ATP2B4: variants seen among roughly 807,000 people sequenced by gnomAD.
The protein encoded by ATP2B4 is ATPase plasma membrane Ca2+ transporting 4, also known as plasma membrane calcium-transporting ATPase 4.
ATP2B4 carries 39 observed loss-of-function variants against 110.3 expected under a neutral mutation model. The ratio of observed to expected loss-of-function variants is 0.35; its 90% confidence interval spans 0.27 to 0.46. The LOEUF is 0.46. ATP2B4 is among the 20% of genes least tolerant of loss of function. The pLI, the probability that ATP2B4 is intolerant of heterozygous loss-of-function variation, is 1.00. For synonymous variants in ATP2B4, 538 were observed against 571.7 expected (o/e 0.94, Z 0.84); for missense variants, 1,135 against 1,530.9 (o/e 0.74, Z 4.32).
Position 203,651,217 on chromosome 1 carries a change from A to AT in ATP2B4, c.-465+24006dup, listed in dbSNP as rs200090901. Among the ~76,000 whole-genome samples the AT allele has an allele frequency of 4.6e-3, 704 of 151,884 alleles. 3 individuals carry two copies. Among genetic ancestry groups the AT allele is most frequent in the African/African-American group, 0.015 (623 of 41,404 alleles). On this transcript the variant is annotated intron_variant, in intron 1 of 20. Transcript: ENST00000357681. The stretch of plus-strand genomic sequence containing the variant: ...AATGTTGCTGGTAGAAATAGGAACC[A>AT]TTTTTTTTCTTCTCTCTCTCTGTCT...
chr1:203,730,053 C>T (rs1360020335), intron 20 of ATP2B4, among the ~76,000 whole-genome samples: 3 of 152,074 alleles, frequency 2.0e-5, no homozygotes, highest in Non-Finnish European at 4.4e-5. Context: ...GCTTGAAGGT[C>T]TCTCAGTGAA....
At chr1:203,674,655 T>G (rs1485229098) in intron 1 of ATP2B4, among the ~76,000 whole-genome samples, 12 of 121,186 alleles carry the variant, frequency 9.9e-5, no homozygotes, top group Admixed American at 1.7e-4. Flanking sequence ...TTTTTTTTTT[T>G]TTTTTTTTTT....
At chr1:203,657,309 C>A in intron 1 of ATP2B4, 1 of 740,258 alleles carries the variant, frequency 1.4e-6, no homozygotes. Context: ...CACCCTCTTC[C>A]ATGCCTTCTT....
chr1:203,694,051 C>T (rs1430383164), intron 2 of ATP2B4, among the ~76,000 whole-genome samples: 1 of 152,132 alleles, frequency 6.6e-6, no homozygotes, highest in Non-Finnish European at 1.5e-5. Context: ...CCTTAGTTTG[C>T]TTCTATGTCA....
intron 7 of ATP2B4, among the ~76,000 whole-genome samples, chr1:203,702,518 C>CT (rs1324343258): frequency 6.6e-6 from 1 of 152,168 alleles, no homozygotes; most frequent in East Asian, 1.9e-4. Context: ...CTCTTCTGGT[C>CT]TGGATCCCTT....
intron 2 of ATP2B4, among the ~76,000 whole-genome samples, chr1:203,690,455 G>GC (rs912228514): frequency 6.6e-6 from 1 of 152,102 alleles, no homozygotes; most frequent in Admixed American, 6.6e-5. Context: ...ATGGATGCAT[G>GC]CCCCCCGCTT....
At chr1:203,632,167 A>G (rs1296091461) in intron 1 of ATP2B4, among the ~76,000 whole-genome samples, 1 of 152,050 alleles carries the variant, frequency 6.6e-6, no homozygotes, top group Admixed American at 6.6e-5. Flanking sequence ...GGTTAAACAA[A>G]CAATGGTACA....
chr1:203,652,772 A>G (rs548778150), intron 1 of ATP2B4, among the ~76,000 whole-genome samples: 7 of 152,354 alleles, frequency 4.6e-5, no homozygotes, highest in African/African-American at 1.7e-4. Flanking sequence ...CATATAAGGC[A>G]GCAAACAATC....
chr1:203,743,287 C>G lies in ATP2B4; in HGVS notation c.*3433C>G, dbSNP rs894890550. ...ATTGAAGCAGCCCGTGGTACCATCACAGTATGCAGAGACTTCCTCACCTTT... is the reference window on the plus strand; with the variant it reads ...ATTGAAGCAGCCCGTGGTACCATCAGAGTATGCAGAGACTTCCTCACCTTT... On this transcript the variant is annotated 3_prime_UTR_variant, in exon 21 of 21. Coordinates refer to ENST00000357681, the MANE Select transcript of ATP2B4 (RefSeq NM_001684.5). 1 of 152,646 alleles carries G rather than the reference C, an allele frequency of 6.6e-6. No homozygotes were observed. The highest frequency in any genetic ancestry group is 2.4e-5 in the African/African-American group (1 of 41,450). The allele number at this position is 152,646 out of a possible 1,614,324, so 9.5% of individuals were successfully genotyped here.
At position 203,739,717 on chromosome 1, in the gene ATP2B4, A is replaced by G; in HGVS notation, c.3481A>G (p.Lys1161Glu). Residue 1161 changes from lysine (K) to glutamate (E), a missense_variant, in exon 21 of 21, where the codon AAG becomes GAG. Physicochemically the swap from Lys to Glu is moderately conservative, Grantham distance 56. Transcript: ENST00000357681. ...GGAGGAAAATCCTGACAAGGCTTCT[A>G]AGTTTGGGACTAGGGTGCTCCTGTT... ...EEEENPDKASKFGTRVLLLDG... is the reference protein window; with the variant it reads ...EEEENPDKASEFGTRVLLLDG... 2 of 1,614,140 alleles carry G rather than the reference A, an allele frequency of 1.2e-6. No individual in the cohort carries two copies. Among genetic ancestry groups the G allele is most frequent in the Non-Finnish European group, 1.7e-6 (2 of 1,180,026 alleles).
intron 12 of ATP2B4, 24 bp downstream of exon 12, chr1:203,711,132 G>A (rs772465662): frequency 6.2e-7 from 1 of 1,604,870 alleles, no homozygotes; most frequent in Non-Finnish European, 8.5e-7. Flanking sequence ...AAGCCACCCA[G>A]GAGTCTCAGG....
chr1:203,713,728 G>A (rs1013377959), intron 14 of ATP2B4, among the ~76,000 whole-genome samples: 4 of 152,178 alleles, frequency 2.6e-5, no homozygotes, highest in Admixed American at 2.0e-4. Context: ...GCCTCCCAAA[G>A]TGTTGGGATT....
intron 1 of ATP2B4, among the ~76,000 whole-genome samples, chr1:203,640,770 T>G (rs1350391376): frequency 1.3e-5 from 2 of 152,256 alleles, no homozygotes; most frequent in Admixed American, 1.3e-4. Context: ...GTCTTCATTT[T>G]CCACATGATA....
intron 2 of ATP2B4, among the ~76,000 whole-genome samples, chr1:203,691,329 A>G (rs1444349731): frequency 1.3e-5 from 2 of 152,232 alleles, no homozygotes; most frequent in African/African-American, 4.8e-5. Flanking sequence ...TCCTTGGGTG[A>G]AGCAGATACT....
chr1:203,638,306 A>G (rs1181532274), intron 1 of ATP2B4, among the ~76,000 whole-genome samples: 5 of 152,222 alleles, frequency 3.3e-5, no homozygotes, highest in African/African-American at 1.2e-4. Context: ...TGGCCTCAGC[A>G]GCGGCCTGCC....
chr1:203,731,856 A>AAC (rs1666727877), intron 20 of ATP2B4, among the ~76,000 whole-genome samples: 1 of 147,308 alleles, frequency 6.8e-6, no homozygotes, highest in Non-Finnish European at 1.5e-5. Context: ...TCTCAAAAAA[A>AAC]AAAAAAAAAA....
chr1:203,696,128 T>A (rs999350313), intron 2 of ATP2B4, among the ~76,000 whole-genome samples: 1 of 152,048 alleles, frequency 6.6e-6, no homozygotes, highest in South Asian at 2.1e-4. Flanking sequence ...GGTTTCACCG[T>A]GTTGGCCAGG....
intron 1 of ATP2B4, among the ~76,000 whole-genome samples, chr1:203,641,213 A>G (rs1663616585): frequency 6.6e-6 from 1 of 152,188 alleles, no homozygotes; most frequent in Non-Finnish European, 1.5e-5. Flanking sequence ...AGTAGGTTCC[A>G]TCTGTCAGTC....
At chr1:203,650,710 T>C (rs914087710) in intron 1 of ATP2B4, among the ~76,000 whole-genome samples, 2 of 152,142 alleles carry the variant, frequency 1.3e-5, no homozygotes, top group African/African-American at 4.8e-5. Context: ...CGGGACTCGC[T>C]GGTGCGAGGC....
Sources: gnomAD v4.1 joint callset for allele counts (sites outside exome capture counted in the v4.1 genomes callset) on GRCh38, gnomAD v4.1.1 for gene constraint, MANE v1.5 for transcripts, NCBI Gene and HGNC (gene_info 2026-07-23, HGNC 2026-07-21) for gene names.